The following EIF3H variants were observed in gnomAD, a reference collection of about 807,000 sequenced individuals.
EIF3H encodes eukaryotic translation initiation factor 3 subunit H, also known as eIF-3-gamma.
Under a neutral mutation model 44.2 loss-of-function variants are expected in EIF3H, and 26 were observed. The ratio of observed to expected loss-of-function variants is 0.59; its 90% CI spans 0.43 to 0.82. The LOEUF (loss-of-function observed/expected upper bound fraction) is 0.82. Among genes scored for constraint, EIF3H ranks in the 40% least tolerant of loss-of-function variants. EIF3H has a pLI of 0.00. For synonymous variants in EIF3H, 166 were observed against 151.9 expected (o/e 1.09, Z -0.68); for missense variants, 359 against 432.8 (o/e 0.83, Z 1.51).
intron 2 of EIF3H, among the ~76,000 whole-genome samples, chr8:116,659,618 T>G (rs1308033056): frequency 6.6e-6 from 1 of 152,230 alleles, no homozygotes; most frequent in African/African-American, 2.4e-5. Context: ...GATACTATGT[T>G]TTCCTTAGAA....
At chr8:116,645,442 G>T (rs944666261) in intron 7 of EIF3H, among the ~76,000 whole-genome samples, 1 of 152,186 alleles carries the variant, frequency 6.6e-6, no homozygotes, top group Admixed American at 6.5e-5. Flanking sequence ...GTAGAAAGGA[G>T]ATACTAACAA....
Position 116,652,770 on chromosome 8 carries a change from G to GA in EIF3H, c.707+3085dup, listed in dbSNP as rs563812913. Among the ~76,000 whole-genome samples, 620 of 141,996 alleles carry GA rather than the reference G, an allele frequency of 4.4e-3. 3 individuals carry two copies. Among genetic ancestry groups the GA allele is most frequent in the African/African-American group, 0.013 (505 of 38,828 alleles). The allele number at this position is 141,996 out of a possible 152,430, so 93.2% of individuals were successfully genotyped here. ...TTGGAAAAATGAGCCTATAAAGATT[G>GA]AAAAAAAAAAACTAGTATAGAAAGA... On this transcript the variant is annotated intron_variant, in intron 5 of 7. Transcript: ENST00000521861.
chr8:116,670,367 T>C (rs1813732495), intron 2 of EIF3H, among the ~76,000 whole-genome samples: 1 of 152,166 alleles, frequency 6.6e-6, no homozygotes, highest in Non-Finnish European at 1.5e-5. Context: ...AGATCAGTAC[T>C]GAGATCACCA....
intron 2 of EIF3H, among the ~76,000 whole-genome samples, chr8:116,720,011 C>T (rs1814719258): frequency 6.6e-6 from 1 of 152,118 alleles, no homozygotes. Flanking sequence ...TTACCAATTC[C>T]TAGTTAAATG....
chr8:116,725,953 G>A (rs1261189085), intron 2 of EIF3H, 63 bp downstream of exon 2: 2 of 1,530,386 alleles, frequency 1.3e-6, no homozygotes, highest in African/African-American at 1.4e-5. Flanking sequence ...AAGTTATGGT[G>A]AGACCTGTGT....
At chr8:116,691,680 G>A (rs1394637304) in intron 2 of EIF3H, among the ~76,000 whole-genome samples, 1 of 152,072 alleles carries the variant, frequency 6.6e-6, no homozygotes, top group Non-Finnish European at 1.5e-5. Flanking sequence ...TTCGAGACCA[G>A]CCTGGACAAC....
intron 2 of EIF3H, among the ~76,000 whole-genome samples, chr8:116,702,455 A>G (rs1237367740): frequency 6.6e-6 from 1 of 152,212 alleles, no homozygotes; most frequent in Non-Finnish European, 1.5e-5. Flanking sequence ...CTGCCTTGTG[A>G]TAAGTTTGTC....
intron 2 of EIF3H, among the ~76,000 whole-genome samples, chr8:116,688,549 T>TA (rs1461166657): frequency 6.6e-6 from 1 of 151,986 alleles, no homozygotes; most frequent in Non-Finnish European, 1.5e-5. Context: ...CCAACAAAAT[T>TA]AAATTCATAA....
At position 116,680,685 on chromosome 8, in the gene EIF3H, A is replaced by T. The variant is rs1271929921; in HGVS notation, c.290-21705T>A. Among the ~76,000 whole-genome samples, 414 of 134,004 alleles carry T rather than the reference A, an allele frequency of 3.1e-3. 2 individuals are homozygous for T. The highest frequency in any genetic ancestry group is 5.2e-3 in the Admixed American group (68 of 13,104). The allele number at this position is 134,004 out of a possible 152,430, so 87.9% of individuals were successfully genotyped here. On this transcript the variant is annotated intron_variant, in intron 2 of 7. Coordinates refer to ENST00000521861, the MANE Select transcript of EIF3H (RefSeq NM_003756.3). The stretch of plus-strand genomic sequence containing the variant: ...ATCTTAAGTACCCAGGGACACAAAC[A>T]CTGCGGAAGGCCGCAGGGTCCTCTG...
intron 6 of EIF3H, among the ~76,000 whole-genome samples, chr8:116,647,541 T>C (rs1057191104): frequency 6.6e-6 from 1 of 152,254 alleles, no homozygotes; most frequent in South Asian, 2.1e-4. Flanking sequence ...CAGGGATATA[T>C]ATAAACTTTA....
chr8:116,731,397 A>C (rs576408001), intron 1 of EIF3H, among the ~76,000 whole-genome samples: 1 of 152,192 alleles, frequency 6.6e-6, no homozygotes, highest in South Asian at 2.1e-4. Flanking sequence ...ACTTACTCTA[A>C]CATCCTATTT....
At chr8:116,707,012 G>C (rs1814482747) in intron 2 of EIF3H, among the ~76,000 whole-genome samples, 1 of 152,152 alleles carries the variant, frequency 6.6e-6, no homozygotes, top group Non-Finnish European at 1.5e-5. Context: ...ATAAGTTGAG[G>C]AGCACTTGTA....
intron 1 of EIF3H, among the ~76,000 whole-genome samples, chr8:116,729,272 T>C (rs925140307): frequency 1.3e-5 from 2 of 152,200 alleles, no homozygotes; most frequent in Admixed American, 6.5e-5. Flanking sequence ...AAGGGAATAC[T>C]GGTGACTAGG....
chr8:116,654,547 T>C (rs559944174), intron 5 of EIF3H, among the ~76,000 whole-genome samples: 2 of 152,360 alleles, frequency 1.3e-5, no homozygotes, highest in South Asian at 2.1e-4. Context: ...CTTAGCTAAA[T>C]GCTTTAAATA....
chr8:116,667,120 A>G (rs904646297), intron 2 of EIF3H, among the ~76,000 whole-genome samples: 1 of 152,230 alleles, frequency 6.6e-6, no homozygotes, highest in Non-Finnish European at 1.5e-5. Context: ...AGACTTGAAC[A>G]AAGTGAATCA....
intron 2 of EIF3H, among the ~76,000 whole-genome samples, chr8:116,690,941 T>A (rs996625649): frequency 1.3e-5 from 2 of 152,222 alleles, no homozygotes; most frequent in African/African-American, 4.8e-5. Context: ...AAATGTATCA[T>A]GGCTAAGTCC....
At chr8:116,681,193 T>C (rs1166067680) in intron 2 of EIF3H, among the ~76,000 whole-genome samples, 1 of 151,984 alleles carries the variant, frequency 6.6e-6, no homozygotes, top group Non-Finnish European at 1.5e-5. Context: ...TAAAACCCTG[T>C]CTCTACTAAA....
chr8:116,656,070 AT>A, intron 4 of EIF3H, 65 bp from the exon 5 acceptor site: 1 of 1,502,234 alleles, frequency 6.7e-7, no homozygotes, highest in Non-Finnish European at 9.0e-7. Context: ...TGACTACTTC[AT>A]AAAATTTACC....
chr8:116,755,940 T>C (rs971160201), upstream of EIF3H: 2 of 1,537,680 alleles, frequency 1.3e-6, no homozygotes, highest in African/African-American at 1.4e-5. Flanking sequence ...CCCTCCTGTT[T>C]TCCAGTTTTA....
Sources: gnomAD v4.1 joint callset for allele counts (sites outside exome capture counted in the v4.1 genomes callset) on GRCh38, gnomAD v4.1.1 for gene constraint, MANE v1.5 for transcripts, NCBI Gene and HGNC (gene_info 2026-07-23, HGNC 2026-07-21) for gene names.